The following USP45 variants were observed in gnomAD, a reference collection of about 807,000 sequenced individuals.
USP45 encodes the protein ubiquitin carboxyl-terminal hydrolase 45.
USP45 carries 89 observed loss-of-function variants against 95.8 expected under a neutral mutation model. The ratio of observed to expected loss-of-function variants is 0.93; its 90% CI spans 0.78 to 1.11. The LOEUF is 1.11. Ranked by LOEUF, USP45 falls within the 50% of genes least tolerant of loss-of-function variation. USP45 has a pLI of 0.00. For missense variants in USP45, 898 were observed against 942.5 expected, an observed-to-expected ratio of 0.95 and a Z score of 0.62; for synonymous variants, 281 against 316.2, an observed-to-expected ratio of 0.89 and a Z score of 1.18.
At chr6:99,471,502 A>T (rs1371221818) in intron 9 of USP45, among the ~76,000 whole-genome samples, 1 of 152,228 alleles carries the variant, frequency 6.6e-6, no homozygotes, top group Non-Finnish European at 1.5e-5. Flanking sequence ...TAGTATCATT[A>T]ATTTAGTGAC....
chr6:99,483,623 G>A (rs1792972755), intron 7 of USP45, among the ~76,000 whole-genome samples: 1 of 151,786 alleles, frequency 6.6e-6, no homozygotes, highest in African/African-American at 2.4e-5. Context: ...TGGATCATGA[G>A]GTCAGGAGAT....
rs771731758 is a variant in USP45 at position 99,488,199 on chromosome 6, C to A, written c.714+1G>T. ...CTATTATTCAAACAGTTATTACTCA[C>A]CAGCTGAGAGTCTGAGGAAGGAAAA... On this transcript the variant is annotated splice_donor_variant, in intron 7 of 17. Transcript: ENST00000500704. LOFTEE classifies it high-confidence loss of function. 1 of 1,596,998 alleles carries A rather than the reference C, an allele frequency of 6.3e-7. No homozygotes were observed. The highest frequency in any genetic ancestry group is 8.6e-7 in the Non-Finnish European group (1 of 1,165,662).
rs1780169667 is a variant in USP45, at chr6:99,434,579, C to G, written c.*1137G>C. 6.6e-6 allele frequency: 1 copy of G among 152,012 alleles called. No individual in the cohort carries two copies. Among genetic ancestry groups the G allele is most frequent in the Non-Finnish European group, 1.5e-5 (1 of 67,976 alleles). 9.4% of individuals were successfully genotyped at this position (152,012 alleles called of 1,614,324 possible). ...CTAGAGGGGAAAAATGATATTTTTG[C>G]TATTATTTAAAAAGAAAATCAAAAA... is the stretch of plus-strand genomic sequence containing the variant. On this transcript the variant is annotated 3_prime_UTR_variant, in exon 18 of 18. Transcript: ENST00000500704.
In USP45 at chr6:99,457,837, G is replaced by A. The variant is rs1010657076; in HGVS notation, c.1308+6767C>T. On this transcript the variant is annotated intron_variant, in intron 13 of 17. Transcript: ENST00000500704. ...GTATGAGAATTCGTTTTAATAAACA[G>A]GTGATTCTCATCATCAGCTGGTCTT... is the stretch of plus-strand genomic sequence containing the variant. Among the ~76,000 whole-genome samples, 11 of 152,260 alleles carry A rather than the reference G, an allele frequency of 7.2e-5. No homozygotes were observed. In the East Asian group the frequency reaches 2.1e-3, roughly 29 times the overall value.
chr6:99,439,880 A>C (rs1465338617), intron 15 of USP45, 25 bp from the exon 16 acceptor site: 2 of 1,549,592 alleles, frequency 1.3e-6, no homozygotes, highest in Admixed American at 1.9e-5. Flanking sequence ...AACATTTTTG[A>C]AATGCAACAA....
At chr6:99,467,323 C>T (rs1484026028) in intron 10 of USP45, among the ~76,000 whole-genome samples, 1 of 151,994 alleles carries the variant, frequency 6.6e-6, no homozygotes, top group Non-Finnish European at 1.5e-5. Context: ...TAAACATAAA[C>T]CATGAACGCA....
At chr6:99,454,216 C>T (rs944979428) in intron 13 of USP45, among the ~76,000 whole-genome samples, 13 of 152,244 alleles carry the variant, frequency 8.5e-5, no homozygotes, top group East Asian at 3.9e-4. Flanking sequence ...GGGGGAAGGA[C>T]GCCCTCTTCA....
chr6:99,437,278 G>A lies in USP45; in HGVS notation c.2282C>T (p.Ser761Leu), dbSNP rs370897735. The part of the protein sequence containing the change: ...VKVRTPSRKL[S>L]EHNTKKKNVP... ...ATTTTTCTTTTTAGTGTTATGTTCC[G>A]ATAATTTCCTGGAGGGTGTTCTCAC... Residue 761 changes from serine to leucine, a missense_variant, in exon 17 of 18, where the codon TCG (serine) becomes TTG (leucine). Coordinates refer to ENST00000500704, the MANE Select transcript of USP45 (RefSeq NM_001346022.3). The A allele has an allele frequency of 1.5e-5, 24 of 1,610,580 alleles. No homozygotes were observed. The Admixed American group carries it at 1.5e-4, about 10-fold the overall frequency.
At chr6:99,499,718 A>G (rs1364475269) in intron 5 of USP45, among the ~76,000 whole-genome samples, 1 of 152,210 alleles carries the variant, frequency 6.6e-6, no homozygotes, top group Non-Finnish European at 1.5e-5. Flanking sequence ...TAAGGCTTAT[A>G]TTAGTGCTTC....
intron 5 of USP45, among the ~76,000 whole-genome samples, chr6:99,489,296 C>T (rs1205165979): frequency 1.3e-5 from 2 of 152,044 alleles, no homozygotes; most frequent in Non-Finnish European, 2.9e-5. Flanking sequence ...TTGACCAGCT[C>T]GTTCAATTCA....
At chr6:99,504,950 G>A (rs982245738) in intron 4 of USP45, among the ~76,000 whole-genome samples, 76 of 152,202 alleles carry the variant, frequency 5.0e-4, no homozygotes, top group Admixed American at 3.8e-3. Context: ...CTTGCTGTGA[G>A]TTGATAATGT....
At chr6:99,517,203 AATT>A (rs1801167441), upstream of USP45, among the ~76,000 whole-genome samples, 1 of 130,410 alleles carries the variant, frequency 7.7e-6, no homozygotes, top group Non-Finnish European at 1.7e-5. Context: ...AAAGAAAGGA[AATT>A]ATTTTTAAAT....
chr6:99,491,053 G>T (rs4840053), intron 5 of USP45, among the ~76,000 whole-genome samples: 129 of 152,174 alleles, frequency 8.5e-4, no homozygotes, highest in Non-Finnish European at 1.4e-3. Flanking sequence ...ATATTAAGGA[G>T]CTATTTTTAA....
intron 5 of USP45, among the ~76,000 whole-genome samples, chr6:99,503,326 A>AT (rs201520980): frequency 2.4e-3 from 343 of 143,846 alleles, no homozygotes; most frequent in Non-Finnish European, 2.2e-3. Context: ...GATACTCATA[A>AT]TTTTTTTTTT....
intron 13 of USP45, among the ~76,000 whole-genome samples, chr6:99,446,745 A>G (rs1782629686): frequency 6.6e-6 from 1 of 152,160 alleles, no homozygotes; most frequent in Non-Finnish European, 1.5e-5. Flanking sequence ...TTTTCTTTAA[A>G]AGAAAAATCT....
intron 16 of USP45, 36 bp downstream of exon 16, chr6:99,439,733 A>G (rs757193418): frequency 7.1e-7 from 1 of 1,400,444 alleles, no homozygotes. Context: ...AAGCATATTA[A>G]TTTATAAATC....
rs143648678 is a variant in USP45, at chr6:99,513,030, C to G, written c.-11+2362G>C. On this transcript the variant is annotated intron_variant, in intron 1 of 17. Coordinates refer to ENST00000500704, the MANE Select transcript of USP45 (RefSeq NM_001346022.3). ...AGAAGTGGAAATGGCAAATGGAGAGCTGCTTCCTAAAGCAAGTCACATGGC... is the reference window on the plus strand; with the variant it reads ...AGAAGTGGAAATGGCAAATGGAGAGGTGCTTCCTAAAGCAAGTCACATGGC... 6.3e-3 allele frequency among the ~76,000 whole-genome samples: 966 copies of G among 152,242 alleles called. 4 individuals carry two copies. Among genetic ancestry groups the G allele is most frequent in the Middle Eastern group, 0.014 (4 of 294 alleles).
At chr6:99,505,914 T>C (rs1181153582) in intron 4 of USP45, among the ~76,000 whole-genome samples, 2 of 152,150 alleles carry the variant, frequency 1.3e-5, no homozygotes, top group African/African-American at 4.8e-5. Context: ...ACCACTAAAG[T>C]GAAATCCTTA....
At chr6:99,495,356 T>C (rs927841457) in intron 5 of USP45, among the ~76,000 whole-genome samples, 6 of 152,252 alleles carry the variant, frequency 3.9e-5, no homozygotes, top group African/African-American at 1.4e-4. Flanking sequence ...AAGGTGTATT[T>C]GTGAATTGCC....
Sources: allele counts gnomAD v4.1 joint callset (sites outside exome capture counted in the v4.1 genomes callset), GRCh38; gene constraint gnomAD v4.1.1; transcripts MANE v1.5; gene names NCBI Gene and HGNC (gene_info 2026-07-23, HGNC 2026-07-21).